Variants in MYO6 observed in about 807,000 individuals in gnomAD.
The protein encoded by MYO6 is myosin VI.
In MYO6, 74 loss-of-function variants were observed where a neutral mutation model predicts 178.7. That is an observed-to-expected ratio of 0.41 (90% confidence interval 0.34 to 0.50). The LOEUF (loss-of-function observed/expected upper bound fraction) is 0.50. MYO6 is among the 20% of genes least tolerant of loss of function. The pLI is 0.09. For synonymous variants in MYO6, 477 were observed against 504.6 expected, an observed-to-expected ratio of 0.95 and a Z score of 0.73; for missense variants, 1,330 against 1,547.4, an observed-to-expected ratio of 0.86 and a Z score of 2.36.
At chr6:75,865,393 T>A (rs1304256026) in intron 16 of MYO6, 1 of 134,176 alleles carries the variant, frequency 7.5e-6, no homozygotes, top group Non-Finnish European at 1.6e-5. Context: ...AGACAGGGTC[T>A]GGCTCTGTTG....
chr6:75,823,460 G>A (rs1237778669), intron 3 of MYO6, among the ~76,000 whole-genome samples: 1 of 151,998 alleles, frequency 6.6e-6, no homozygotes, highest in Non-Finnish European at 1.5e-5. Context: ...TAACAATTAT[G>A]TACACTTGTC....
At chr6:75,792,951 A>AT (rs199523760) in intron 1 of MYO6, among the ~76,000 whole-genome samples, 8,465 of 147,100 alleles carry the variant, frequency 0.058, 524 homozygotes, top group African/African-American at 0.15. Context: ...ACCCAGCTAA[A>AT]TTTTTTTTTT....
chr6:75,786,470 G>T (rs1767578762), intron 1 of MYO6, among the ~76,000 whole-genome samples: 1 of 152,232 alleles, frequency 6.6e-6, no homozygotes, highest in African/African-American at 2.4e-5. Flanking sequence ...TAGAGATCAT[G>T]TTGGAGAGAA....
intron 6 of MYO6, among the ~76,000 whole-genome samples, chr6:75,835,132 A>G (rs541537186): frequency 2.9e-4 from 44 of 152,318 alleles, no homozygotes; most frequent in African/African-American, 9.9e-4. Flanking sequence ...CATTTTCTGT[A>G]GCCAAAGATT....
intron 10 of MYO6, among the ~76,000 whole-genome samples, chr6:75,846,335 A>G (rs1774726692): frequency 1.3e-5 from 2 of 152,126 alleles, no homozygotes; most frequent in East Asian, 3.9e-4. Context: ...AGTTTTTATA[A>G]TAGTCAGTTT....
intron 30 of MYO6, 147 bp downstream of exon 30, chr6:75,898,558 C>A: frequency 1.4e-6 from 1 of 712,632 alleles, no homozygotes; most frequent in South Asian, 1.7e-5. Context: ...AGAAATATCA[C>A]TTCTCCCTCA....
chr6:75,847,457 CT>C (rs550337994), intron 10 of MYO6, among the ~76,000 whole-genome samples: 1 of 152,010 alleles, frequency 6.6e-6, no homozygotes, highest in South Asian at 2.1e-4. Context: ...CTAGTACAAT[CT>C]TTTCGTGTCC....
chr6:75,756,260 A>G (rs1777341464), intron 1 of MYO6, among the ~76,000 whole-genome samples: 1 of 152,112 alleles, frequency 6.6e-6, no homozygotes, highest in Admixed American at 6.5e-5. Flanking sequence ...AGCAAAAAAC[A>G]AATGGGACTA....
intron 1 of MYO6, among the ~76,000 whole-genome samples, chr6:75,795,744 ATCT>A (rs1256673481): frequency 6.6e-6 from 1 of 152,214 alleles, no homozygotes; most frequent in Non-Finnish European, 1.5e-5. Context: ...TGTTTTGAGA[ATCT>A]GTTATATTAC....
intron 28 of MYO6, among the ~76,000 whole-genome samples, 183 bp downstream of exon 28, chr6:75,892,873 A>G (rs1779015628): frequency 1.3e-5 from 2 of 152,174 alleles, no homozygotes; most frequent in African/African-American, 4.8e-5. Context: ...GAGATAATTG[A>G]TTTTTCATCA....
chr6:75,854,452 AG>A (rs1462939033), intron 11 of MYO6, among the ~76,000 whole-genome samples: 1 of 152,094 alleles, frequency 6.6e-6, no homozygotes, highest in Admixed American at 6.6e-5. Context: ...GGAACTGGAC[AG>A]GGGTATACAT....
At chr6:75,911,640 T>C in intron 32 of MYO6, 32 bp from the exon 33 acceptor site, 1 of 1,596,688 alleles carries the variant, frequency 6.3e-7, no homozygotes, top group Non-Finnish European at 8.6e-7. Context: ...GGCATTTTTA[T>C]CTTTTCTTCA....
chr6:75,873,107 A>G (rs909624713), intron 19 of MYO6, 100 bp from the exon 20 acceptor site: 38 of 908,418 alleles, frequency 4.2e-5, no homozygotes, highest in Non-Finnish European at 1.8e-5. Context: ...ACAGGTTCAT[A>G]TGTTAATGTT....
intron 1 of MYO6, among the ~76,000 whole-genome samples, chr6:75,800,099 A>G (rs1358107398): frequency 6.6e-6 from 1 of 152,102 alleles, no homozygotes; most frequent in Non-Finnish European, 1.5e-5. Flanking sequence ...CATATTGGGA[A>G]TTCAATAAAT....
intron 18 of MYO6, among the ~76,000 whole-genome samples, chr6:75,867,922 A>G (rs1206899213): frequency 1.3e-5 from 2 of 152,200 alleles, no homozygotes; most frequent in African/African-American, 4.8e-5. Flanking sequence ...ATGACAAACT[A>G]TAGTATGTAG....
At chr6:75,750,402 C>G (rs1309264695) in intron 1 of MYO6, among the ~76,000 whole-genome samples, 2 of 151,042 alleles carry the variant, frequency 1.3e-5, no homozygotes, top group Non-Finnish European at 3.0e-5. Flanking sequence ...GCCAAATATT[C>G]TTTACATCTT....
chr6:75,784,501 C>CGGT (rs1451764227), intron 1 of MYO6, among the ~76,000 whole-genome samples: 1 of 151,388 alleles, frequency 6.6e-6, no homozygotes, highest in African/African-American at 2.4e-5. Context: ...TTGCCCGGCG[C>CGGT]GGTGGCTCAT....
intron 23 of MYO6, among the ~76,000 whole-genome samples, chr6:75,884,026 A>G (rs566808831): frequency 5.9e-5 from 9 of 152,352 alleles, no homozygotes; most frequent in African/African-American, 2.2e-4. Context: ...ATACAGAAAC[A>G]TCTTTATTAC....
intron 9 of MYO6, 29 bp downstream of exon 9, chr6:75,841,407 A>G: frequency 6.2e-7 from 1 of 1,603,958 alleles, no homozygotes; most frequent in Non-Finnish European, 8.5e-7. Flanking sequence ...AATTTCATAT[A>G]GCCAGGTGCA....
Sources: allele counts gnomAD v4.1 joint callset (sites outside exome capture counted in the v4.1 genomes callset), GRCh38; gene constraint gnomAD v4.1.1; transcripts MANE v1.5; gene names NCBI Gene and HGNC (gene_info 2026-07-23, HGNC 2026-07-21).